Variants in TYR observed in about 807,000 individuals in gnomAD.
TYR encodes the protein LB24-AB.
TYR carries 58 observed loss-of-function variants against 51.5 expected under a neutral mutation model. That is an observed-to-expected ratio of 1.13 (90% confidence interval 0.91 to 1.40). The LOEUF (loss-of-function observed/expected upper bound fraction) is 1.40. Among genes scored for constraint, TYR ranks in the 40% most tolerant of loss-of-function variants. The pLI is 0.00. For synonymous variants in TYR, 263 were observed against 235.2 expected (o/e 1.12, Z -1.08); for missense variants, 732 against 647.4 (o/e 1.13, Z -1.42).
intron 3 of TYR, among the ~76,000 whole-genome samples, chr11:89,252,840 A>T (rs541979114): frequency 6.6e-6 from 1 of 151,884 alleles, no homozygotes; most frequent in African/African-American, 2.4e-5. Context: ...AAAGGAAAGC[A>T]ACATTCAGGA....
At chr11:89,266,980 G>A (rs1171532882) in intron 3 of TYR, among the ~76,000 whole-genome samples, 1 of 151,884 alleles carries the variant, frequency 6.6e-6, no homozygotes, top group Non-Finnish European at 1.5e-5. Flanking sequence ...TTTGTCTGGG[G>A]GAAAGACTTG....
At position 89,266,487 on chromosome 11, in the gene TYR, A is replaced by G. The variant is rs539870263; in HGVS notation, c.1185-18286A>G. Among the ~76,000 whole-genome samples, 7 of 151,990 alleles carry G rather than the reference A, an allele frequency of 4.6e-5. No homozygotes were observed. The East Asian group carries it at 1.4e-3, about 30-fold the overall frequency. On this transcript the variant is annotated intron_variant, in intron 3 of 4. Coordinates refer to ENST00000263321, the MANE Select transcript of TYR (RefSeq NM_000372.5). ...GTATGGGCCATAGGTACTTAGCCCC[A>G]TCATATGTATTGGTCCCCTGCCTCT...
At chr11:89,189,648 C>A (rs1943416992) in intron 1 of TYR, among the ~76,000 whole-genome samples, 9 of 152,090 alleles carry the variant, frequency 5.9e-5, no homozygotes, top group Admixed American at 5.9e-4. Context: ...CCAACCCCAG[C>A]CTCAGCACTT....
intron 3 of TYR, among the ~76,000 whole-genome samples, chr11:89,279,186 A>G (rs1944691424): frequency 6.6e-6 from 1 of 151,740 alleles, no homozygotes; most frequent in South Asian, 2.1e-4. Context: ...GAAATAAACC[A>G]TAGAAACTAG....
At chr11:89,271,463 A>T (rs1944587854) in intron 3 of TYR, among the ~76,000 whole-genome samples, 1 of 151,948 alleles carries the variant, frequency 6.6e-6, no homozygotes, top group Non-Finnish European at 1.5e-5. Context: ...TACATACCTT[A>T]TGTTAAAAAT....
At chr11:89,245,269 T>C (rs570049379) in intron 3 of TYR, among the ~76,000 whole-genome samples, 76 of 152,146 alleles carry the variant, frequency 5.0e-4, no homozygotes, top group African/African-American at 1.7e-3. Flanking sequence ...AAAACTAAGG[T>C]TTATTGTGTG....
At chr11:89,182,085 T>C (rs1481902886) in intron 1 of TYR, among the ~76,000 whole-genome samples, 1 of 152,220 alleles carries the variant, frequency 6.6e-6, no homozygotes, top group Non-Finnish European at 1.5e-5. Context: ...TTGTACTTTA[T>C]ACAGATTTGT....
intron 2 of TYR, among the ~76,000 whole-genome samples, chr11:89,220,248 T>G (rs561116051): frequency 1.3e-5 from 2 of 152,218 alleles, no homozygotes; most frequent in Admixed American, 6.5e-5. Flanking sequence ...ACAATTATGG[T>G]AGAAGGCAGA....
intron 3 of TYR, among the ~76,000 whole-genome samples, chr11:89,254,438 CTG>C (rs1488449570): frequency 6.6e-6 from 1 of 151,568 alleles, no homozygotes; most frequent in Non-Finnish European, 1.5e-5. Context: ...TCAGCTGTGA[CTG>C]TGTCTGGTCC....
chr11:89,196,363 A>G (rs76647546), intron 2 of TYR, among the ~76,000 whole-genome samples: 9,470 of 152,188 alleles, frequency 0.062, 993 homozygotes, highest in African/African-American at 0.22. Context: ...GGATTTCAGG[A>G]CAAGTTTCAA....
At position 89,205,719 on chromosome 11, in the gene TYR, C is replaced by G. The variant is rs1591153259; in HGVS notation, c.1036+14301C>G. Reference sequence around the variant, plus strand: ...AAGATTTTGTCACCACCAAGCAGACCTGCCCTGAAAAAAAAATGGTTAATA... The same window carrying G: ...AAGATTTTGTCACCACCAAGCAGACGTGCCCTGAAAAAAAAATGGTTAATA... On this transcript the variant is annotated intron_variant, in intron 2 of 4. Coordinates refer to ENST00000263321, the MANE Select transcript of TYR (RefSeq NM_000372.5). Among the ~76,000 whole-genome samples the G allele has an allele frequency of 2.0e-5, 3 of 151,642 alleles. No individual in the cohort carries two copies. The South Asian group carries it at 6.2e-4, about 31-fold the overall frequency.
At chr11:89,198,426 A>G (rs759483562) in intron 2 of TYR, among the ~76,000 whole-genome samples, 2 of 152,108 alleles carry the variant, frequency 1.3e-5, no homozygotes, top group Non-Finnish European at 2.9e-5. Context: ...CGAGAGAGGC[A>G]GAAGGTTTTG....
At chr11:89,226,558 A>G (rs1943979455) in intron 2 of TYR, among the ~76,000 whole-genome samples, 1 of 152,136 alleles carries the variant, frequency 6.6e-6, no homozygotes, top group Admixed American at 6.6e-5. Flanking sequence ...AAAAGGAGGT[A>G]AAAGGAGGAA....
At chr11:89,234,503 T>C (rs1158950558) in intron 3 of TYR, among the ~76,000 whole-genome samples, 1 of 143,696 alleles carries the variant, frequency 7.0e-6, no homozygotes. Flanking sequence ...TACGTGAGCT[T>C]TCAACATGCC....
Position 89,227,691 on chromosome 11 carries a change from G to C in TYR, c.1037-132G>C, listed in dbSNP as rs776790750. The C allele has an allele frequency of 2.6e-4, 209 of 808,114 alleles. 1 individual carries two copies. The highest frequency in any genetic ancestry group is 3.7e-4 in the Non-Finnish European group (188 of 514,250). The allele number at this position is 808,114 out of a possible 1,614,324, so 50.1% of individuals were successfully genotyped here. On this transcript the variant is annotated intron_variant, in intron 2 of 4. Transcript: ENST00000263321. Reference sequence around the variant, plus strand: ...TCCAGAATGTAAAGAGTCTCAATACGGAATGAATTTTATTTTTGATTTTAT... The same window carrying C: ...TCCAGAATGTAAAGAGTCTCAATACCGAATGAATTTTATTTTTGATTTTAT...
chr11:89,227,290 G>A (rs542190286), intron 2 of TYR, among the ~76,000 whole-genome samples: 8 of 152,198 alleles, frequency 5.3e-5, no homozygotes, highest in South Asian at 2.1e-4. Flanking sequence ...TGAATGTTTT[G>A]TAAAATCAGA....
intron 2 of TYR, among the ~76,000 whole-genome samples, chr11:89,205,582 T>C (rs1943662372): frequency 6.6e-6 from 1 of 152,180 alleles, no homozygotes; most frequent in African/African-American, 2.4e-5. Flanking sequence ...AAGGTGGCAC[T>C]GCATTTTTCA....
chr11:89,272,978 T>C (rs1944608342), intron 3 of TYR, among the ~76,000 whole-genome samples: 2 of 151,960 alleles, frequency 1.3e-5, no homozygotes, highest in African/African-American at 4.8e-5. Flanking sequence ...GGGAAGTTTG[T>C]AGCTGGTTTG....
chr11:89,235,158 T>G (rs1565407487), intron 3 of TYR, among the ~76,000 whole-genome samples: 1 of 152,098 alleles, frequency 6.6e-6, no homozygotes, highest in East Asian at 1.9e-4. Context: ...TTCAAATACC[T>G]CTTATCAAAA....
Sources: allele counts gnomAD v4.1 joint callset (sites outside exome capture counted in the v4.1 genomes callset), GRCh38; gene constraint gnomAD v4.1.1; transcripts MANE v1.5; gene names NCBI Gene and HGNC (gene_info 2026-07-23, HGNC 2026-07-21).